Variants in ANK3 observed in about 807,000 individuals in gnomAD.
ANK3 encodes the protein ankyrin-3.
Under a neutral mutation model 370.9 loss-of-function variants are expected in ANK3, and 57 were observed. The ratio of observed to expected loss-of-function variants is 0.15; its 90% CI spans 0.12 to 0.19. ANK3 has a LOEUF of 0.19. Among genes scored for constraint, ANK3 ranks in the 10% least tolerant of loss-of-function variants. The pLI is 1.00. For missense variants in ANK3, 4,439 were observed against 5,302.1 expected, an observed-to-expected ratio of 0.84 and a Z score of 5.06; for synonymous variants, 1,929 against 1,946.3, an observed-to-expected ratio of 0.99 and a Z score of 0.23.
At chr10:60,076,637 A>T (rs768400762) in intron 36 of ANK3, among the ~76,000 whole-genome samples, 189 bp from the exon 37 acceptor site, 2 of 132,630 alleles carry the variant, frequency 1.5e-5, no homozygotes, top group Non-Finnish European at 3.2e-5. Flanking sequence ...TTCTACAGAC[A>T]TAACTAATCT....
chr10:60,385,064 T>C (rs1371916099), intron 1 of ANK3, among the ~76,000 whole-genome samples: 3 of 152,234 alleles, frequency 2.0e-5, no homozygotes, highest in Admixed American at 2.0e-4. Context: ...CATAAAGCTA[T>C]TCACAGTCCT....
Position 60,075,456 on chromosome 10 carries a change from A to G in ANK3, c.5425T>C (p.Ser1809Pro), listed in dbSNP as rs759022218. 2 of 1,612,678 alleles carry G rather than the reference A, an allele frequency of 1.2e-6. No homozygotes were observed. Among genetic ancestry groups the G allele is most frequent in the South Asian group, 1.1e-5 (1 of 91,090 alleles). ...GAAGTTACAGATGAGGTAGTTGCAG[A>G]TATTGACGACCCAAGGGATGTATAG... ...ALYTSLGSSISATTSSVTSSI... is the reference protein window; with the variant it reads ...ALYTSLGSSIPATTSSVTSSI... The change falls in exon 37 of 44, where the codon TCT (serine) becomes CCT (proline). Residue 1809 changes from serine (S) to proline (P), a missense_variant. Transcript: ENST00000280772.
chr10:60,126,147 G>A lies in ANK3; in HGVS notation c.2841+8124C>T, dbSNP rs895342733. On this transcript the variant is annotated intron_variant, in intron 25 of 43. Transcript: ENST00000280772. Reference sequence around the variant, plus strand: ...TAGTCTAGTTAAGTCTTCTAAACCAGTCACTATTGAAGGCCTGCCACTAGT... The same window carrying A: ...TAGTCTAGTTAAGTCTTCTAAACCAATCACTATTGAAGGCCTGCCACTAGT... 2.0e-5 allele frequency among the ~76,000 whole-genome samples: 3 copies of A among 152,224 alleles called. No individual in the cohort carries two copies. The East Asian group carries it at 5.8e-4, about 29-fold the overall frequency.
intron 1 of ANK3, among the ~76,000 whole-genome samples, chr10:60,727,974 A>G (rs981844479): frequency 5.3e-5 from 8 of 151,850 alleles, no homozygotes; most frequent in Admixed American, 2.6e-4. Flanking sequence ...TAAAAATGAA[A>G]TCTGTGCATC....
At chr10:60,679,732 G>C (rs905295687) in intron 1 of ANK3, among the ~76,000 whole-genome samples, 3 of 152,156 alleles carry the variant, frequency 2.0e-5, no homozygotes, top group Non-Finnish European at 4.4e-5. Flanking sequence ...TCAAGGGTTG[G>C]ACAGCGCACT....
chr10:60,516,745 G>A (rs747307098), intron 2 of ANK3, among the ~76,000 whole-genome samples: 15 of 152,078 alleles, frequency 9.9e-5, no homozygotes, highest in East Asian at 1.9e-4. Context: ...GCCACTGCAC[G>A]CTAGTCTGGG....
intron 1 of ANK3, among the ~76,000 whole-genome samples, chr10:60,691,377 G>A (rs1478697008): frequency 6.6e-6 from 1 of 152,178 alleles, no homozygotes; most frequent in Non-Finnish European, 1.5e-5. Context: ...AGTGCTGTAG[G>A]CAAATTGCCA....
intron 1 of ANK3, among the ~76,000 whole-genome samples, chr10:60,282,671 G>A (rs1370808435): frequency 5.9e-5 from 9 of 152,022 alleles, no homozygotes; most frequent in Non-Finnish European, 1.2e-4. Flanking sequence ...TTCATTCAAT[G>A]ACCCTGATAT....
intron 4 of ANK3, among the ~76,000 whole-genome samples, chr10:60,273,155 A>G (rs2098027248): frequency 6.6e-6 from 1 of 152,180 alleles, no homozygotes; most frequent in Admixed American, 6.5e-5. Context: ...AATTAGGACT[A>G]CTTAGAAATA....
intron 1 of ANK3, among the ~76,000 whole-genome samples, chr10:60,667,879 T>C (rs2079018231): frequency 6.6e-6 from 1 of 151,528 alleles, no homozygotes. Context: ...TTTCTCAATA[T>C]TTAGCTTGCA....
At chr10:60,296,442 GC>G (rs1228069659) in intron 1 of ANK3, among the ~76,000 whole-genome samples, 1 of 152,162 alleles carries the variant, frequency 6.6e-6, no homozygotes, top group African/African-American at 2.4e-5. Context: ...GAAAATGACA[GC>G]CTGATTCTGG....
At chr10:60,643,283 G>A (rs2078660638) in intron 1 of ANK3, among the ~76,000 whole-genome samples, 1 of 152,146 alleles carries the variant, frequency 6.6e-6, no homozygotes, top group Non-Finnish European at 1.5e-5. Context: ...TCAGCTGCCA[G>A]CACAGCCAGA....
chr10:60,523,393 C>A, intron 2 of ANK3, among the ~76,000 whole-genome samples: 1 of 112,660 alleles, frequency 8.9e-6, no homozygotes, highest in Non-Finnish European at 1.8e-5. Flanking sequence ...CTCCCCCCTC[C>A]CCCCACCCCA....
intron 2 of ANK3, among the ~76,000 whole-genome samples, chr10:60,478,569 C>A (rs1449786220): frequency 6.6e-6 from 1 of 151,870 alleles, no homozygotes; most frequent in Non-Finnish European, 1.5e-5. Flanking sequence ...TTGCTGAGAA[C>A]AAAGAAATAC....
At chr10:60,677,330 T>C (rs2079138006) in intron 1 of ANK3, among the ~76,000 whole-genome samples, 1 of 152,224 alleles carries the variant, frequency 6.6e-6, no homozygotes. Context: ...GAACTATATG[T>C]ATTTATAGTT....
In ANK3 at chr10:60,235,597, C is replaced by T. The variant is rs1409400501; in HGVS notation, c.799-811G>A. 3.4e-5 allele frequency among the ~76,000 whole-genome samples: 4 copies of T among 116,506 alleles called. 1 individual carries two copies. Among genetic ancestry groups the T allele is most frequent in the East Asian group, 2.8e-4 (1 of 3,598 alleles). The allele number at this position is 116,506 out of a possible 152,430, so 76.4% of individuals were successfully genotyped here. A position where few individuals can be genotyped will look rare whatever the true frequency, so the allele number is the denominator to read the frequency against. ...TTTTTCTTTTTAAGTGACAGAGTCT[C>T]GTTATATTGCTTAGGCTGGTCTCAA... On this transcript the variant is annotated intron_variant, in intron 7 of 43. Coordinates refer to ENST00000280772, the MANE Select transcript of ANK3 (RefSeq NM_020987.5).
chr10:60,269,131 A>G (rs963246696), intron 5 of ANK3, among the ~76,000 whole-genome samples: 8 of 152,198 alleles, frequency 5.3e-5, no homozygotes, highest in Admixed American at 2.6e-4. Context: ...TGTTAGAAAT[A>G]AAAAATACTC....
chr10:60,594,110 TA>T (rs1382580114), intron 2 of ANK3, among the ~76,000 whole-genome samples: 1 of 152,350 alleles, frequency 6.6e-6, no homozygotes, highest in African/African-American at 2.4e-5. Flanking sequence ...TTAATTTTCA[TA>T]ATTTTCATAT....
At chr10:60,694,153 T>C (rs547686055) in intron 1 of ANK3, among the ~76,000 whole-genome samples, 3 of 152,108 alleles carry the variant, frequency 2.0e-5, no homozygotes, top group Admixed American at 6.5e-5. Flanking sequence ...GTATCAGTGA[T>C]GGAAGATGAA....
Sources: allele counts gnomAD v4.1 joint callset (sites outside exome capture counted in the v4.1 genomes callset), GRCh38; gene constraint gnomAD v4.1.1; transcripts MANE v1.5; gene names NCBI Gene and HGNC (gene_info 2026-07-23, HGNC 2026-07-21).